The following RNASEK variants were observed in gnomAD, a reference collection of about 807,000 sequenced individuals.
RNASEK encodes the protein ribonuclease K, also known as ribonuclease kappa.
A neutral mutation model predicts 11.2 loss-of-function variants in RNASEK; 7 were observed. That is an observed-to-expected ratio of 0.62 (90% CI 0.35 to 1.17). The LOEUF (loss-of-function observed/expected upper bound fraction) is 1.17, where lower values mean the gene tolerates loss of function less well. Ranked by LOEUF, RNASEK falls within the 50% of genes most tolerant of loss-of-function variation. The pLI is 0.02. For missense variants in RNASEK, 101 were observed against 126.7 expected (o/e 0.80, Z 0.97); for synonymous variants, 46 against 49.5 (o/e 0.93, Z 0.30).
At position 7,014,360 on chromosome 17, in the gene RNASEK, T is replaced by G; in HGVS notation, c.*74T>G. ...CCTGCACCGTGTCACCCAGGTCGCGTCCCACCCTTGCCGGCGCCCTCTGCG... is the reference window on the plus strand; with the variant it reads ...CCTGCACCGTGTCACCCAGGTCGCGGCCCACCCTTGCCGGCGCCCTCTGCG... On this transcript the variant is annotated 3_prime_UTR_variant, in exon 3 of 3. Transcript: ENST00000593646. The surrounding 1 kb of genome is among the most constrained non-coding windows in gnomAD (Gnocchi z 4.5). 6.5e-7 allele frequency: 1 copy of G among 1,535,902 alleles called. No individual in the cohort carries two copies. The highest frequency in any genetic ancestry group is 8.9e-7 in the Non-Finnish European group (1 of 1,122,348).
intron 1 of RNASEK, chr17:7,013,097 C>A (rs1909533188): frequency 1.1e-5 from 5 of 448,972 alleles, no homozygotes; most frequent in South Asian, 9.7e-5. Flanking sequence ...TGCACTCCAG[C>A]CTGGGTGACA....
Position 7,012,710 on chromosome 17 carries a change from G to A in RNASEK, c.27G>A (p.Pro9=), listed in dbSNP as rs1438530830. 2 of 1,613,366 alleles carry A rather than the reference G, an allele frequency of 1.2e-6. No homozygotes were observed. Among genetic ancestry groups the A allele is most frequent in the African/African-American group, 2.7e-5 (2 of 75,078 alleles). The change falls in exon 1 of 3, where the codon CCG becomes CCA. Residue 9 remains proline (P), a synonymous_variant. Coordinates refer to ENST00000593646, the MANE Select transcript of RNASEK (RefSeq NM_001004333.5). ...TGGCGTCGCTCCTGTGCTGTGGGCCGAAGCTGGCCGCCTGCGGCATCGTCC... is the reference window on the plus strand; with the variant it reads ...TGGCGTCGCTCCTGTGCTGTGGGCCAAAGCTGGCCGCCTGCGGCATCGTCC... MASLLCCG[P]KLAACGIVLS...
chr17:7,013,081 C>A, intron 1 of RNASEK: 1 of 445,600 alleles, frequency 2.2e-6, no homozygotes, highest in Non-Finnish European at 4.0e-6. Context: ...GCCGAGATCG[C>A]GCCACTGCAC....
Position 7,013,757 on chromosome 17 carries a change from G to A in RNASEK, c.155+15G>A, listed in dbSNP as rs1319072408. On this transcript the variant is annotated intron_variant, in intron 2 of 2. Coordinates refer to ENST00000593646, the MANE Select transcript of RNASEK (RefSeq NM_001004333.5). ...AAAGATTTTGAGTAAGTATTCGGGT[G>A]GGGGAGGCGGGCTGGGAGCAGGTGG... 2 of 1,575,414 alleles carry A rather than the reference G, an allele frequency of 1.3e-6. No individual in the cohort carries two copies. The highest frequency in any genetic ancestry group is 8.7e-7 in the Non-Finnish European group (1 of 1,144,764).
intron 1 of RNASEK, chr17:7,013,416 G>A (rs1180949739): frequency 1.3e-5 from 20 of 1,535,930 alleles, no homozygotes; most frequent in Non-Finnish European, 1.7e-5. Context: ...CGCCTCCAGA[G>A]AGGACGATAA....
chr17:7,013,621 G>A, intron 1 of RNASEK, 45 bp from the exon 2 acceptor site: 1 of 1,596,108 alleles, frequency 6.3e-7, no homozygotes, highest in Non-Finnish European at 8.6e-7. Context: ...GTGAACATGA[G>A]GTCAGGTGCC....
rs1452462756 is a variant in RNASEK at position 7,012,740 on chromosome 17, C to A, written c.57C>A (p.Ser19Arg). The A allele has an allele frequency of 1.2e-6, 2 of 1,613,134 alleles. No homozygotes were observed. The highest frequency in any genetic ancestry group is 1.7e-6 in the Non-Finnish European group (2 of 1,179,782). Reference protein sequence around the residue: ...PKLAACGIVLSAWGVIMLIML... With the variant: ...PKLAACGIVLRAWGVIMLIML... Reference sequence around the variant, plus strand: ...TGGCCGCCTGCGGCATCGTCCTCAGCGCCTGGGGAGTGATCATGTTGGTGA... The same window carrying A: ...TGGCCGCCTGCGGCATCGTCCTCAGAGCCTGGGGAGTGATCATGTTGGTGA... Residue 19 changes from serine to arginine, a missense_variant, in exon 1 of 3, where the codon AGC (serine) becomes AGA (arginine). Physicochemically the swap from Ser to Arg is moderately radical, Grantham distance 110. Coordinates refer to ENST00000593646, the MANE Select transcript of RNASEK (RefSeq NM_001004333.5).
chr17:7,013,947 CTT>C (rs1909622525), intron 2 of RNASEK, 196 bp from the exon 3 acceptor site: 2 of 689,354 alleles, frequency 2.9e-6, no homozygotes, highest in Non-Finnish European at 4.9e-6. Flanking sequence ...GGTGTGACCT[CTT>C]TAGGTATTTT....
chr17:7,012,839 T>G, intron 1 of RNASEK, 78 bp downstream of exon 1: 1 of 1,381,766 alleles, frequency 7.2e-7, no homozygotes, highest in Non-Finnish European at 1.0e-6. Context: ...GAGGAAACTC[T>G]GGGCCGCAGG....
In RNASEK at chr17:7,014,122, C is replaced by T. The variant is rs1909637452; in HGVS notation, c.156-23C>T. On this transcript the variant is annotated intron_variant, in intron 2 of 2. Transcript: ENST00000593646. This position sits in a 1 kb window ranked among gnomAD's most constrained non-coding sequence, Gnocchi z 4.5. ...GTTGGCTCCTATTAAAGTTTGACCCCTTTGCTTCATTCCCACCCCCAGGAA... is the reference window on the plus strand; with the variant it reads ...GTTGGCTCCTATTAAAGTTTGACCCTTTTGCTTCATTCCCACCCCCAGGAA... 6.4e-7 allele frequency: 1 copy of T among 1,551,840 alleles called. No homozygotes were observed. Among genetic ancestry groups the T allele is most frequent in the Non-Finnish European group, 8.7e-7 (1 of 1,146,882 alleles).
rs745830882 is a variant in RNASEK at position 7,013,655 on chromosome 17, C to T, written c.79-11C>T. On this transcript the variant is annotated splice_polypyrimidine_tract_variant and intron_variant, in intron 1 of 2. Transcript: ENST00000593646. ...CCTGAATTCAACAGTCTACCCATTC[C>T]CCTTTTCCAGATAATGCTCGGAATA... 4 of 1,612,104 alleles carry T rather than the reference C, an allele frequency of 2.5e-6. No homozygotes were observed. Among genetic ancestry groups the T allele is most frequent in the Non-Finnish European group, 3.4e-6 (4 of 1,178,254 alleles).
chr17:7,012,808 G>A (rs774307295), intron 1 of RNASEK, 47 bp downstream of exon 1: 4 of 1,523,926 alleles, frequency 2.6e-6, no homozygotes, highest in Admixed American at 3.5e-5. Flanking sequence ...GAGGGGCTCC[G>A]GGCTGGGAGG....
chr17:7,013,848 A>G lies in RNASEK; in HGVS notation c.155+106A>G, dbSNP rs2151653049. ...CCGGTGCTTAGGGCCCCTAGGTTAG[A>G]GGACTTGGAGAGGAGAGCGGCTTTC... On this transcript the variant is annotated intron_variant, in intron 2 of 2. Coordinates refer to ENST00000593646, the MANE Select transcript of RNASEK (RefSeq NM_001004333.5). The G allele has an allele frequency of 4.2e-6, 4 of 942,922 alleles. 1 individual carries two copies. In the East Asian group the frequency reaches 9.5e-5, roughly 23 times the overall value. 58.4% of individuals were successfully genotyped at this position (942,922 alleles called of 1,614,324 possible).
rs1166799515 is a variant in RNASEK, at chr17:7,012,662, G to C, written c.-22G>C. On this transcript the variant is annotated 5_prime_UTR_variant, in exon 1 of 3. Transcript: ENST00000593646. ...GCTTTCCGAGCCCGCTTGCACCTCG[G>C]CGATCCCCGACTCCCTTCTTTATGG... 6.2e-7 allele frequency: 1 copy of C among 1,611,596 alleles called. No homozygotes were observed. Among genetic ancestry groups the C allele is most frequent in the African/African-American group, 1.3e-5 (1 of 74,946 alleles).
intron 1 of RNASEK, 44 bp from the exon 2 acceptor site, chr17:7,013,622 G>GT (rs1909590318): frequency 6.3e-7 from 1 of 1,596,346 alleles, no homozygotes; most frequent in Middle Eastern, 1.7e-4. Flanking sequence ...TGAACATGAG[G>GT]TCAGGTGCCT....
chr17:7,013,018 A>G lies in RNASEK; in HGVS notation c.78+257A>G, dbSNP rs575568357. On this transcript the variant is annotated intron_variant, in intron 1 of 2. Coordinates refer to ENST00000593646, the MANE Select transcript of RNASEK (RefSeq NM_001004333.5). ...CGCCCGCCTGTAATCCCAGCTACTCAGGAGGCTGAGGCAGGAGAATCGCTT... is the reference window on the plus strand; with the variant it reads ...CGCCCGCCTGTAATCCCAGCTACTCGGGAGGCTGAGGCAGGAGAATCGCTT... 1.6e-4 allele frequency: 80 copies of G among 501,668 alleles called. No homozygotes were observed. The Admixed American group carries it at 1.6e-3, about 10-fold the overall frequency. The allele number at this position is 501,668 out of a possible 1,614,324, so 31.1% of individuals were successfully genotyped here.
intron 1 of RNASEK, 25 bp downstream of exon 1, chr17:7,012,786 C>T (rs747223115): frequency 1.9e-6 from 3 of 1,605,162 alleles, no homozygotes; most frequent in South Asian, 1.1e-5. Context: ...CGGCAAGGAT[C>T]GGAGAGGGCC....
chr17:7,013,765 C>A, intron 2 of RNASEK, 23 bp downstream of exon 2: 5 of 592,960 alleles, frequency 8.4e-6, no homozygotes, highest in African/African-American at 1.9e-5. Flanking sequence ...GTGGGGGAGG[C>A]GGGCTGGGAG....
rs903458770 is a variant in RNASEK at position 7,012,899 on chromosome 17, G to A, written c.78+138G>A. 2.2e-5 allele frequency: 16 copies of A among 713,940 alleles called. 1 individual carries two copies. In the Admixed American group the frequency reaches 3.8e-4, roughly 17 times the overall value. 44.2% of individuals were successfully genotyped at this position (713,940 alleles called of 1,614,324 possible). On this transcript the variant is annotated intron_variant, in intron 1 of 2. Transcript: ENST00000593646. ...CAGGCCCCGGAGAAGGAGACAGACT[G>A]AAATTGAAAAATGGGAACTGTTCGA...
Sources: allele counts gnomAD v4.1 joint callset, GRCh38; gene constraint gnomAD v4.1.1; non-coding constraint Gnocchi (gnomAD v3.1); transcripts MANE v1.5; gene names NCBI Gene and HGNC (gene_info 2026-07-23, HGNC 2026-07-21).